The following EVL variants were observed in gnomAD, a reference collection of about 807,000 sequenced individuals.
The protein encoded by EVL is Enah/Vasp-like.
In EVL, 21 loss-of-function variants were observed where a neutral mutation model predicts 59.6. The observed-to-expected ratio is 0.35, with a 90% CI of 0.25 to 0.51. The LOEUF (loss-of-function observed/expected upper bound fraction) is 0.51. Ranked by LOEUF, EVL falls within the 20% of genes least tolerant of loss-of-function variation. The probability of loss-of-function intolerance (pLI) is 0.97; values close to 1 mark genes in which losing one functional copy is unlikely to be tolerated. For missense variants in EVL, 462 were observed against 546.6 expected, an observed-to-expected ratio of 0.85 and a Z score of 1.54; for synonymous variants, 198 against 203.5, an observed-to-expected ratio of 0.97 and a Z score of 0.23.
At chr14:99,980,644 A>G (rs1454420266) in intron 1 of EVL, among the ~76,000 whole-genome samples, 8 of 152,172 alleles carry the variant, frequency 5.3e-5, no homozygotes, top group Admixed American at 2.6e-4. Context: ...GGGTCCAAAT[A>G]TATTTCTGAA....
At position 100,018,006 on chromosome 14, in the gene EVL, A is replaced by T. The variant is rs190737361; in HGVS notation, c.5+45949A>T. 2.7e-3 allele frequency among the ~76,000 whole-genome samples: 412 copies of T among 152,360 alleles called. 3 individuals carry two copies. Among genetic ancestry groups the T allele is most frequent in the African/African-American group, 9.8e-3 (407 of 41,584 alleles). ...ATGTACTGGATCACTCTTCTCCCTG[A>T]TAAAAGCTGAGGCAAAAGAGGTTCA... On this transcript the variant is annotated intron_variant, in intron 1 of 13. Coordinates refer to the EVL transcript ENST00000402714.
At chr14:100,132,048 C>T (rs1159554197) in intron 7 of EVL, among the ~76,000 whole-genome samples, 2 of 152,062 alleles carry the variant, frequency 1.3e-5, no homozygotes, top group African/African-American at 4.8e-5. Flanking sequence ...CTCTGGGAAA[C>T]ACTGAGGGTC....
At chr14:100,137,462 C>A in intron 9 of EVL, 116 bp from the exon 10 acceptor site, 1 of 1,093,124 alleles carries the variant, frequency 9.1e-7, no homozygotes, top group Non-Finnish European at 1.4e-6. Context: ...CTTCCTGCCA[C>A]GGGGCTCTGC....
chr14:100,132,169 C>T (rs900012729), intron 7 of EVL, among the ~76,000 whole-genome samples: 1 of 151,220 alleles, frequency 6.6e-6, no homozygotes, highest in African/African-American at 2.4e-5. Context: ...GTGCACGAAC[C>T]GACTCAAGGG....
intron 3 of EVL, among the ~76,000 whole-genome samples, chr14:100,117,287 C>T (rs952395402): frequency 6.6e-6 from 1 of 152,230 alleles, no homozygotes; most frequent in African/African-American, 2.4e-5. Flanking sequence ...CTCCCGGTGC[C>T]ACGTGGATGG....
At chr14:100,125,786 C>A (rs1249263887) in intron 4 of EVL, among the ~76,000 whole-genome samples, 1 of 152,090 alleles carries the variant, frequency 6.6e-6, no homozygotes, top group Non-Finnish European at 1.5e-5. Context: ...AAACTCCTGG[C>A]CTCGTCATCC....
At chr14:100,024,531 A>C (rs1285403713) in intron 1 of EVL, among the ~76,000 whole-genome samples, 1 of 152,204 alleles carries the variant, frequency 6.6e-6, no homozygotes, top group African/African-American at 2.4e-5. Flanking sequence ...TGTGCCAATC[A>C]CTGCTGATTG....
Position 100,128,626 on chromosome 14 carries a change from G to A in EVL, c.595G>A (p.Ala199Thr), listed in dbSNP as rs763440319. The stretch of plus-strand genomic sequence containing the variant: ...CCCAGTCCCACCTCCACCCACTGGG[G>A]CTACCCCACCTCCCCCACCCCCACT... Reference protein sequence around the residue: ...PPPVPPPPTGATPPPPPPLPA... With the variant: ...PPPVPPPPTGTTPPPPPPLPA... The change falls in exon 6 of 14, where the codon GCT (alanine) becomes ACT (threonine). Residue 199 changes from alanine (A) to threonine (T), a missense_variant. By Grantham distance (58) the Ala-to-Thr change is moderately conservative. Coordinates refer to ENST00000392920, the MANE Select transcript of EVL (RefSeq NM_016337.3). 61 of 1,439,368 alleles carry A rather than the reference G, an allele frequency of 4.2e-5. No individual in the cohort carries two copies. The highest frequency in any genetic ancestry group is 5.5e-5 in the Non-Finnish European group (59 of 1,076,366). The allele number at this position is 1,439,368 out of a possible 1,614,324, so 89.2% of individuals were successfully genotyped here.
chr14:100,124,044 T>C (rs1459828271), intron 4 of EVL, among the ~76,000 whole-genome samples: 1 of 152,214 alleles, frequency 6.6e-6, no homozygotes, highest in Non-Finnish European at 1.5e-5. Flanking sequence ...TTCTAAAGTG[T>C]TACCACAGTG....
chr14:100,006,811 CAAAAA>C (rs56007744), intron 1 of EVL, among the ~76,000 whole-genome samples: 8 of 127,892 alleles, frequency 6.3e-5, no homozygotes, highest in African/African-American at 2.2e-4. Context: ...AGTAAAACAT[CAAAAA>C]AAAAAAAAAA....
chr14:100,132,607 C>T, intron 7 of EVL, 112 bp from the exon 8 acceptor site: 1 of 1,230,284 alleles, frequency 8.1e-7, no homozygotes, highest in East Asian at 2.3e-5. Context: ...CGTTTTCCCA[C>T]ACAGGTTTAT....
chr14:100,093,716 T>A (rs1700195792), intron 2 of EVL, among the ~76,000 whole-genome samples: 1 of 152,190 alleles, frequency 6.6e-6, no homozygotes. Flanking sequence ...TGGAAGTGAT[T>A]TATGAGGCTC....
upstream of EVL, among the ~76,000 whole-genome samples, chr14:100,061,471 A>C (rs1304865837): frequency 4.7e-5 from 7 of 150,242 alleles, no homozygotes; most frequent in East Asian, 1.9e-4. Context: ...AAAAAAAAAA[A>C]AAAAAAAAAA....
chr14:100,118,370 C>T (rs1887483959), intron 3 of EVL, among the ~76,000 whole-genome samples: 2 of 152,216 alleles, frequency 1.3e-5, no homozygotes, highest in Admixed American at 6.5e-5. Context: ...CTTTGGAATC[C>T]TTTGTCAAAT....
chr14:100,091,541 A>AG (rs963719925), intron 2 of EVL, among the ~76,000 whole-genome samples: 7 of 152,112 alleles, frequency 4.6e-5, no homozygotes, highest in Non-Finnish European at 1.0e-4. Context: ...AGGTTCCTGG[A>AG]GGGGGGGCAG....
intron 1 of EVL, among the ~76,000 whole-genome samples, chr14:100,068,233 C>T (rs1205364858): frequency 6.6e-6 from 1 of 152,088 alleles, no homozygotes; most frequent in African/African-American, 2.4e-5. Context: ...CAAGTATCCT[C>T]AGCTGGGGAC....
chr14:100,025,806 C>G (rs1424929149), intron 1 of EVL, among the ~76,000 whole-genome samples: 4 of 152,148 alleles, frequency 2.6e-5, no homozygotes, highest in African/African-American at 9.7e-5. Flanking sequence ...CATAGTGGCG[C>G]ATGCCTGTAA....
chr14:100,113,987 C>T (rs1408927671), intron 3 of EVL, among the ~76,000 whole-genome samples: 1 of 152,118 alleles, frequency 6.6e-6, no homozygotes, highest in Non-Finnish European at 1.5e-5. Flanking sequence ...CCAGAATTGA[C>T]TCTGTAAGCA....
intron 1 of EVL, among the ~76,000 whole-genome samples, chr14:100,026,634 C>T (rs1448246204): frequency 1.3e-5 from 2 of 152,112 alleles, no homozygotes; most frequent in African/African-American, 2.4e-5. Flanking sequence ...TCTTCCATCC[C>T]ATCTCTGTGT....
Sources: gnomAD v4.1 joint callset for allele counts (sites outside exome capture counted in the v4.1 genomes callset) on GRCh38, gnomAD v4.1.1 for gene constraint, MANE v1.5 for transcripts, NCBI Gene and HGNC (gene_info 2026-07-23, HGNC 2026-07-21) for gene names.